Variants in RGS17 observed in about 807,000 individuals in gnomAD.
The protein encoded by RGS17 is regulator of G protein signaling 17.
A neutral mutation model predicts 25.5 loss-of-function variants in RGS17; 12 were observed. That is an observed-to-expected ratio of 0.47 (90% confidence interval 0.30 to 0.76). RGS17 has a LOEUF of 0.76. RGS17 is among the 30% of genes least tolerant of loss of function. The probability of loss-of-function intolerance (pLI) is 0.07; values close to 1 mark genes in which losing one functional copy is unlikely to be tolerated. For missense variants in RGS17, 196 were observed against 242.2 expected, an observed-to-expected ratio of 0.81 and a Z score of 1.27; for synonymous variants, 71 against 76.9, an observed-to-expected ratio of 0.92 and a Z score of 0.40.
intron 4 of RGS17, among the ~76,000 whole-genome samples, chr6:153,018,717 G>T (rs1189449765): frequency 6.6e-6 from 1 of 152,160 alleles, no homozygotes; most frequent in Non-Finnish European, 1.5e-5. Flanking sequence ...TAAAATGTAA[G>T]CTCCATTAAG....
intron 1 of RGS17, among the ~76,000 whole-genome samples, chr6:153,114,401 T>C (rs1453324672): frequency 1.3e-5 from 2 of 152,112 alleles, no homozygotes; most frequent in Admixed American, 6.5e-5. Context: ...CATCCCAGAA[T>C]AGACCAATAG....
At chr6:153,106,885 C>T (rs767802670) in intron 1 of RGS17, among the ~76,000 whole-genome samples, 4 of 151,616 alleles carry the variant, frequency 2.6e-5, no homozygotes, top group African/African-American at 7.3e-5. Flanking sequence ...CTGCCCACCT[C>T]GGCCTCCCAA....
At chr6:153,113,255 A>G (rs1197963685) in intron 1 of RGS17, among the ~76,000 whole-genome samples, 1 of 152,182 alleles carries the variant, frequency 6.6e-6, no homozygotes, top group African/African-American at 2.4e-5. Context: ...GGGAAAGAAA[A>G]AGAAAAAAAA....
chr6:153,107,797 C>T (rs1777406978), intron 1 of RGS17, among the ~76,000 whole-genome samples: 1 of 152,230 alleles, frequency 6.6e-6, no homozygotes. Flanking sequence ...GGTGCATTAG[C>T]TATCATTACA....
At chr6:153,109,789 T>C (rs940235148) in intron 1 of RGS17, among the ~76,000 whole-genome samples, 2 of 152,246 alleles carry the variant, frequency 1.3e-5, no homozygotes, top group African/African-American at 4.8e-5. Context: ...CTTATCATGC[T>C]ATATGAGTCT....
rs1562321235 is a variant in RGS17 at position 153,053,918 on chromosome 6, TATATATGTATATATATGTATATATA to T, written c.-25-9900_-25-9876del. ...CACATACATACATACACACATTATA[TATATATGTATATATATGTATATATA>T]ATATATATACATATATATTATATAC... On this transcript the variant is annotated intron_variant, in intron 1 of 4. Transcript: ENST00000206262. Among the ~76,000 whole-genome samples, 39 of 66,660 alleles carry T rather than the reference TATATATGTATATATATGTATATATA, an allele frequency of 5.9e-4. 1 individual carries two copies. Among genetic ancestry groups the T allele is most frequent in the Admixed American group, 1.6e-3 (9 of 5,800 alleles). 43.7% of individuals were successfully genotyped at this position (66,660 alleles called of 152,430 possible). A position where few individuals can be genotyped will look rare whatever the true frequency, so the allele number is the denominator to read the frequency against.
rs77160812 is a variant in RGS17 at position 153,129,111 on chromosome 6, A to G, written c.-26+2013T>C. Among the ~76,000 whole-genome samples the G allele has an allele frequency of 2.8e-3, 432 of 152,348 alleles. 4 individuals carry two copies. Among genetic ancestry groups the G allele is most frequent in the African/African-American group, 0.01 (418 of 41,576 alleles). On this transcript the variant is annotated intron_variant, in intron 1 of 4. Transcript: ENST00000206262. ...GGAGATTTATCTTATTTAATAAGTA[A>G]TACCACTCAATCTTTTTGTAATAAC...
At chr6:153,074,163 T>C (rs1477444814) in intron 1 of RGS17, among the ~76,000 whole-genome samples, 1 of 152,140 alleles carries the variant, frequency 6.6e-6, no homozygotes, top group Non-Finnish European at 1.5e-5. Flanking sequence ...AACCCCAACA[T>C]CCTCCAGAAA....
At position 153,057,943 on chromosome 6, in the gene RGS17, A is replaced by G. The variant is rs76787328; in HGVS notation, c.-25-13900T>C. ...AGTAAAGCTCGCTGGCCTGCTGCTC[A>G]CCTCCTACTATGTATCCCAGTTCCT... On this transcript the variant is annotated intron_variant, in intron 1 of 4. Coordinates refer to ENST00000206262, the MANE Select transcript of RGS17 (RefSeq NM_012419.5). 8.6e-3 allele frequency among the ~76,000 whole-genome samples: 1,309 copies of G among 152,296 alleles called. 23 individuals carry two copies. The highest frequency in any genetic ancestry group is 0.03 in the African/African-American group (1,251 of 41,574).
At chr6:153,017,308 T>C (rs563516987) in intron 4 of RGS17, among the ~76,000 whole-genome samples, 2 of 152,056 alleles carry the variant, frequency 1.3e-5, no homozygotes, top group Non-Finnish European at 2.9e-5. Flanking sequence ...GAAGCATTCA[T>C]TCCCACAGGG....
intron 1 of RGS17, among the ~76,000 whole-genome samples, chr6:153,098,417 C>G (rs1003673893): frequency 6.6e-6 from 1 of 152,190 alleles, no homozygotes; most frequent in Non-Finnish European, 1.5e-5. Flanking sequence ...ACTTCCCACT[C>G]TTAAAACCGA....
intron 1 of RGS17, among the ~76,000 whole-genome samples, chr6:153,094,354 C>T (rs1255710327): frequency 1.3e-5 from 2 of 152,134 alleles, no homozygotes; most frequent in African/African-American, 2.4e-5. Context: ...GCAAGGATTA[C>T]AGGCGTGAGC....
At chr6:153,032,484 G>T (rs888021887) in intron 2 of RGS17, among the ~76,000 whole-genome samples, 1 of 151,612 alleles carries the variant, frequency 6.6e-6, no homozygotes, top group Non-Finnish European at 1.5e-5. Context: ...CCACTAGATG[G>T]CTGTGTTACC....
chr6:153,070,866 TGC>T (rs1481522130), intron 1 of RGS17, among the ~76,000 whole-genome samples: 2 of 150,044 alleles, frequency 1.3e-5, no homozygotes, highest in African/African-American at 4.9e-5. Flanking sequence ...ATATATAACA[TGC>T]ATATGCCCAT....
intron 4 of RGS17, among the ~76,000 whole-genome samples, chr6:153,015,279 G>A (rs1354989936): frequency 6.6e-6 from 1 of 152,232 alleles, no homozygotes; most frequent in Non-Finnish European, 1.5e-5. Context: ...AGCAGGGTTT[G>A]AGAGGATTGA....
chr6:153,127,728 T>C (rs1303167217), intron 1 of RGS17, among the ~76,000 whole-genome samples: 3 of 152,198 alleles, frequency 2.0e-5, no homozygotes, highest in Admixed American at 6.5e-5. Flanking sequence ...TAAACACATA[T>C]ATATTCCCAA....
chr6:153,016,029 G>A (rs1264620610), intron 4 of RGS17, among the ~76,000 whole-genome samples: 1 of 152,136 alleles, frequency 6.6e-6, no homozygotes, highest in Non-Finnish European at 1.5e-5. Flanking sequence ...TATTGTGGTT[G>A]TCTGTAACTG....
intron 1 of RGS17, among the ~76,000 whole-genome samples, chr6:153,076,967 A>C (rs992684414): frequency 6.7e-6 from 1 of 149,448 alleles, no homozygotes; most frequent in East Asian, 1.9e-4. Flanking sequence ...CATATTCTGC[A>C]CTAGTTATAA....
At chr6:153,073,620 C>A (rs1776837867) in intron 1 of RGS17, among the ~76,000 whole-genome samples, 1 of 152,154 alleles carries the variant, frequency 6.6e-6, no homozygotes, top group East Asian at 1.9e-4. Context: ...AAGTAGTTAA[C>A]AGAATCTAGT....
Sources: gnomAD v4.1 joint callset for allele counts (sites outside exome capture counted in the v4.1 genomes callset) on GRCh38, gnomAD v4.1.1 for gene constraint, MANE v1.5 for transcripts, NCBI Gene and HGNC (gene_info 2026-07-23, HGNC 2026-07-21) for gene names.